The following LDB2 variants were observed in gnomAD, a reference collection of about 807,000 sequenced individuals.
LDB2 encodes the protein LIM domain-binding protein 2.
Under a neutral mutation model 44.3 loss-of-function variants are expected in LDB2, and 12 were observed. That is an observed-to-expected ratio of 0.27 (90% CI 0.17 to 0.44). LDB2 has a LOEUF of 0.44. LDB2 is among the 20% of genes least tolerant of loss of function. The pLI is 1.00. For synonymous variants in LDB2, 164 were observed against 174.8 expected, an observed-to-expected ratio of 0.94 and a Z score of 0.49; for missense variants, 344 against 473.5, an observed-to-expected ratio of 0.73 and a Z score of 2.54.
At chr4:16,617,056 G>A (rs1727529950) in intron 2 of LDB2, among the ~76,000 whole-genome samples, 1 of 152,028 alleles carries the variant, frequency 6.6e-6, no homozygotes, top group African/African-American at 2.4e-5. Context: ...CTCCTCAGAG[G>A]GAACATTTTA....
rs1717828932 is a variant in LDB2 at position 16,502,669 on chromosome 4, T to C, written c.1096A>G (p.Asn366Asp). 6 of 1,613,794 alleles carry C rather than the reference T, an allele frequency of 3.7e-6. No individual in the cohort carries two copies. The South Asian group carries it at 6.6e-5, about 18-fold the overall frequency. The change falls in exon 8 of 8, where the codon AAC becomes GAC. Residue 366 changes from asparagine to aspartate, a missense_variant. Transcript: ENST00000304523. ...TATTGGGAAGCCTGGGGTGGGGGGTTTTCTGATTTGGTCTCTTGAGTGGCG... is the reference window on the plus strand; with the variant it reads ...TATTGGGAAGCCTGGGGTGGGGGGTCTTCTGATTTGGTCTCTTGAGTGGCG... ...PPATQETKSENPPPQASQ is the reference protein window; with the variant it reads ...PPATQETKSEDPPPQASQ
intron 5 of LDB2, among the ~76,000 whole-genome samples, chr4:16,531,092 C>G (rs1256227066): frequency 6.6e-6 from 1 of 152,190 alleles, no homozygotes; most frequent in Non-Finnish European, 1.5e-5. Flanking sequence ...CTTCTTTTGA[C>G]CCATACCCAG....
At chr4:16,764,616 T>C (rs1768784115) in intron 1 of LDB2, among the ~76,000 whole-genome samples, 1 of 152,062 alleles carries the variant, frequency 6.6e-6, no homozygotes, top group Non-Finnish European at 1.5e-5. Flanking sequence ...GACTCTAGCT[T>C]GGCCACATGT....
At chr4:16,532,796 A>G (rs1730602287) in intron 5 of LDB2, among the ~76,000 whole-genome samples, 1 of 152,160 alleles carries the variant, frequency 6.6e-6, no homozygotes, top group South Asian at 2.1e-4. Flanking sequence ...TGGTATTAGC[A>G]TCTTGTGGTA....
chr4:16,854,837 A>C (rs1789023538), intron 1 of LDB2, among the ~76,000 whole-genome samples: 1 of 152,020 alleles, frequency 6.6e-6, no homozygotes, highest in African/African-American at 2.4e-5. Context: ...CATTTCATAC[A>C]CTGTGGCATT....
intron 2 of LDB2, among the ~76,000 whole-genome samples, chr4:16,698,351 C>T (rs1752669128): frequency 6.6e-6 from 1 of 152,058 alleles, no homozygotes; most frequent in African/African-American, 2.4e-5. Flanking sequence ...ATAGATATTG[C>T]CAAATTATCA....
chr4:16,812,497 T>C (rs985707361), intron 1 of LDB2, among the ~76,000 whole-genome samples: 1 of 150,918 alleles, frequency 6.6e-6, no homozygotes, highest in Non-Finnish European at 1.5e-5. Flanking sequence ...TGACGCAGGG[T>C]TTAATATCTT....
intron 2 of LDB2, among the ~76,000 whole-genome samples, chr4:16,641,033 T>C (rs1213111319): frequency 3.3e-5 from 5 of 152,022 alleles, no homozygotes; most frequent in Non-Finnish European, 1.5e-5. Flanking sequence ...TGGTGGGAAG[T>C]TGAAAACTAT....
chr4:16,861,522 C>T (rs1416019438), intron 1 of LDB2, among the ~76,000 whole-genome samples: 1 of 152,184 alleles, frequency 6.6e-6, no homozygotes, highest in Non-Finnish European at 1.5e-5. Context: ...AATTCTTCAG[C>T]TTCCCTGAAG....
At chr4:16,750,637 A>G (rs1765310812) in intron 2 of LDB2, among the ~76,000 whole-genome samples, 1 of 152,214 alleles carries the variant, frequency 6.6e-6, no homozygotes, top group African/African-American at 2.4e-5. Flanking sequence ...TCAAGATTTC[A>G]CATTTGAACA....
chr4:16,624,960 A>G (rs1003911701), intron 2 of LDB2, among the ~76,000 whole-genome samples: 2 of 152,214 alleles, frequency 1.3e-5, no homozygotes, highest in African/African-American at 4.8e-5. Context: ...CTAACCATCT[A>G]CTAAAGGTAT....
At chr4:16,665,776 C>T (rs1742971632) in intron 2 of LDB2, among the ~76,000 whole-genome samples, 1 of 152,112 alleles carries the variant, frequency 6.6e-6, no homozygotes, top group East Asian at 1.9e-4. Context: ...AAAGGGGTGT[C>T]TGAAGATGTA....
At chr4:16,897,017 A>G (rs1457149166) in intron 1 of LDB2, among the ~76,000 whole-genome samples, 2 of 152,234 alleles carry the variant, frequency 1.3e-5, no homozygotes, top group Non-Finnish European at 2.9e-5. Context: ...ATTAACATAT[A>G]AAGAAAACAG....
intron 5 of LDB2, among the ~76,000 whole-genome samples, chr4:16,531,005 T>C (rs1274294203): frequency 6.6e-6 from 1 of 152,226 alleles, no homozygotes. Context: ...GAGACCATCA[T>C]TGGTGTTTTC....
intron 2 of LDB2, among the ~76,000 whole-genome samples, chr4:16,702,830 G>A (rs966448410): frequency 1.3e-5 from 2 of 152,112 alleles, no homozygotes; most frequent in Non-Finnish European, 2.9e-5. Flanking sequence ...TTCCCATGAC[G>A]GACCTCCAGC....
intron 2 of LDB2, among the ~76,000 whole-genome samples, chr4:16,700,957 T>A (rs1753307534): frequency 6.6e-6 from 1 of 152,198 alleles, no homozygotes; most frequent in Admixed American, 6.5e-5. Context: ...ATTGAGTGTG[T>A]GTTTTACATA....
At chr4:16,613,284 C>T (rs1726189333) in intron 2 of LDB2, among the ~76,000 whole-genome samples, 1 of 152,158 alleles carries the variant, frequency 6.6e-6, no homozygotes, top group African/African-American at 2.4e-5. Context: ...TGGAAGCATT[C>T]CCTTTGAAAA....
At chr4:16,702,018 C>G (rs1212140006) in intron 2 of LDB2, among the ~76,000 whole-genome samples, 1 of 152,114 alleles carries the variant, frequency 6.6e-6, no homozygotes, top group Non-Finnish European at 1.5e-5. Flanking sequence ...ACTATGAATG[C>G]CTTTCCTATT....
chr4:16,816,005 C>T (rs946013915), intron 1 of LDB2, among the ~76,000 whole-genome samples: 9 of 152,104 alleles, frequency 5.9e-5, no homozygotes, highest in Non-Finnish European at 8.8e-5. Context: ...GTCAGAAGTT[C>T]GAGACCAGCC....
Sources: gnomAD v4.1 joint callset for allele counts (sites outside exome capture counted in the v4.1 genomes callset) on GRCh38, gnomAD v4.1.1 for gene constraint, MANE v1.5 for transcripts, NCBI Gene and HGNC (gene_info 2026-07-23, HGNC 2026-07-21) for gene names.